The following LRCH1 variants were observed in gnomAD, a reference collection of about 807,000 sequenced individuals.
The protein encoded by LRCH1 is leucine-rich repeat and calponin homology domain-containing protein 1.
LRCH1 carries 23 observed loss-of-function variants against 94.9 expected under a neutral mutation model. The observed-to-expected ratio is 0.24, with a 90% CI of 0.17 to 0.34. The LOEUF (loss-of-function observed/expected upper bound fraction) is 0.34. Ranked by LOEUF, LRCH1 falls within the 10% of genes least tolerant of loss-of-function variation. The pLI, the probability that LRCH1 is intolerant of heterozygous loss-of-function variation, is 1.00. For synonymous variants in LRCH1, 364 were observed against 354.9 expected (o/e 1.03, Z -0.29); for missense variants, 790 against 945.9 (o/e 0.84, Z 2.16).
At chr13:46,740,442 G>A (rs1031142045) in intron 19 of LRCH1, among the ~76,000 whole-genome samples, 4 of 152,052 alleles carry the variant, frequency 2.6e-5, no homozygotes, top group Non-Finnish European at 4.4e-5. Flanking sequence ...TGAGGGTATC[G>A]AGCTAACTTC....
chr13:46,643,534 G>C (rs1328490208), intron 1 of LRCH1, among the ~76,000 whole-genome samples: 2 of 152,144 alleles, frequency 1.3e-5, no homozygotes, highest in Non-Finnish European at 2.9e-5. Context: ...CGCTCCCACT[G>C]TTTGTAAAGG....
chr13:46,690,655 G>A (rs1870848496), intron 7 of LRCH1, among the ~76,000 whole-genome samples: 1 of 152,182 alleles, frequency 6.6e-6, no homozygotes, highest in Non-Finnish European at 1.5e-5. Context: ...TGGGTAGAAA[G>A]AGAAGGGAAT....
intron 2 of LRCH1, among the ~76,000 whole-genome samples, chr13:46,665,112 T>C (rs1240458439): frequency 6.6e-6 from 1 of 152,236 alleles, no homozygotes. Flanking sequence ...AGTGAATCCA[T>C]TCACTGAAAA....
At chr13:46,618,785 C>G (rs2050843044) in intron 1 of LRCH1, among the ~76,000 whole-genome samples, 1 of 152,130 alleles carries the variant, frequency 6.6e-6, no homozygotes, top group African/African-American at 2.4e-5. Context: ...GTTTTTCTCA[C>G]TACTCAGGTT....
chr13:46,715,764 T>C (rs976729649), intron 16 of LRCH1, 100 bp downstream of exon 16: 1 of 740,994 alleles, frequency 1.3e-6, no homozygotes, highest in Non-Finnish European at 2.3e-6. Context: ...TATATTCACC[T>C]GCATGCTTGG....
At chr13:46,649,158 T>G (rs1338103435) in intron 1 of LRCH1, among the ~76,000 whole-genome samples, 1 of 152,224 alleles carries the variant, frequency 6.6e-6, no homozygotes, top group African/African-American at 2.4e-5. Flanking sequence ...TAACATCTAT[T>G]TCATCTGTGA....
intron 9 of LRCH1, among the ~76,000 whole-genome samples, chr13:46,698,209 C>G (rs1393073186): frequency 6.6e-6 from 1 of 152,220 alleles, no homozygotes; most frequent in East Asian, 1.9e-4. Context: ...GGAGGACTGG[C>G]TGGTCCCCAG....
intron 1 of LRCH1, among the ~76,000 whole-genome samples, chr13:46,586,260 C>T (rs1006608479): frequency 6.6e-6 from 1 of 152,086 alleles, no homozygotes; most frequent in African/African-American, 2.4e-5. Flanking sequence ...ACAGAGGTGG[C>T]GCATTTTACT....
At chr13:46,740,861 T>G (rs1184202336) in intron 19 of LRCH1, among the ~76,000 whole-genome samples, 1 of 152,230 alleles carries the variant, frequency 6.6e-6, no homozygotes, top group Non-Finnish European at 1.5e-5. Context: ...ATAGGTGTTC[T>G]GCTTCCTTAC....
chr13:46,710,469 G>A (rs1593368884), intron 13 of LRCH1, among the ~76,000 whole-genome samples: 2 of 152,216 alleles, frequency 1.3e-5, no homozygotes, highest in East Asian at 3.8e-4. Context: ...AAGTGTGGAT[G>A]GCACTGGCAT....
At chr13:46,733,665 G>A (rs965500490) in intron 18 of LRCH1, among the ~76,000 whole-genome samples, 3 of 151,402 alleles carry the variant, frequency 2.0e-5, no homozygotes, top group Non-Finnish European at 4.4e-5. Flanking sequence ...TATATACATA[G>A]GCATATATGT....
At chr13:46,599,466 A>G (rs1284000947) in intron 1 of LRCH1, among the ~76,000 whole-genome samples, 1 of 152,114 alleles carries the variant, frequency 6.6e-6, no homozygotes, top group African/African-American at 2.4e-5. Flanking sequence ...ATTCCCACCC[A>G]CAGTACACAG....
intron 8 of LRCH1, among the ~76,000 whole-genome samples, chr13:46,694,170 C>A (rs748917578): frequency 3.9e-5 from 6 of 152,166 alleles, no homozygotes; most frequent in Non-Finnish European, 8.8e-5. Flanking sequence ...TAATTTGTTA[C>A]TAGTGGGTGT....
At chr13:46,592,562 GT>G (rs2050512572) in intron 1 of LRCH1, among the ~76,000 whole-genome samples, 1 of 152,190 alleles carries the variant, frequency 6.6e-6, no homozygotes, top group African/African-American at 2.4e-5. Context: ...GGAAAAACCT[GT>G]TTAATTCCTT....
intron 2 of LRCH1, among the ~76,000 whole-genome samples, chr13:46,654,551 T>A (rs2051346856): frequency 6.6e-6 from 1 of 152,144 alleles, no homozygotes; most frequent in African/African-American, 2.4e-5. Context: ...TCTTCAGTAG[T>A]TATAAATGGG....
chr13:46,736,645 A>G (rs1873399839), intron 19 of LRCH1, among the ~76,000 whole-genome samples: 1 of 152,216 alleles, frequency 6.6e-6, no homozygotes, highest in African/African-American at 2.4e-5. Context: ...TTCTTGTTGC[A>G]TCAAGCTTAA....
chr13:46,697,659 C>T (rs1385759985), intron 9 of LRCH1, among the ~76,000 whole-genome samples: 1 of 152,192 alleles, frequency 6.6e-6, no homozygotes, highest in Non-Finnish European at 1.5e-5. Context: ...CTTGTTCCAC[C>T]TCATCTGGGA....
rs1166124573 is a variant in LRCH1, at chr13:46,553,514, G to A, written c.118G>A (p.Gly40Ser). The A allele has an allele frequency of 1.9e-6, 3 of 1,546,266 alleles. No individual in the cohort carries two copies. The highest frequency in any genetic ancestry group is 1.4e-5 in the African/African-American group (1 of 72,726). The change falls in exon 1 of 20, where the codon GGC (glycine) becomes AGC (serine). Residue 40 changes from glycine (G) to serine (S), a missense_variant. Around this residue, in one of 3 missense-constraint regions of LRCH1, gnomAD observed 136 missense variants for 143.5 expected, o/e 0.95. Transcript: ENST00000389797. ...HHHHQHHGGTGAPGGAGGGGG... is the reference protein window; with the variant it reads ...HHHHQHHGGTSAPGGAGGGGG... ...CCACCATCAGCACCACGGAGGAACC[G>A]GCGCCCCCGGCGGGGCGGGTGGTGG...
intron 3 of LRCH1, among the ~76,000 whole-genome samples, chr13:46,681,188 C>T (rs1417279337): frequency 1.3e-5 from 2 of 152,320 alleles, no homozygotes; most frequent in South Asian, 4.1e-4. Flanking sequence ...GTGAAGAACT[C>T]CATTTTAAAT....
Sources: allele counts gnomAD v4.1 joint callset (sites outside exome capture counted in the v4.1 genomes callset), GRCh38; gene constraint gnomAD v4.1.1; regional missense constraint gnomAD v4.1.1; transcripts MANE v1.5; gene names NCBI Gene and HGNC (gene_info 2026-07-23, HGNC 2026-07-21).